CCDC178: variants seen among roughly 807,000 people sequenced by gnomAD.
The protein encoded by CCDC178 is coiled-coil domain containing 178, also known as coiled-coil domain-containing protein 178.
CCDC178 carries 126 observed loss-of-function variants against 117.4 expected under a neutral mutation model. The observed-to-expected ratio is 1.07, with a 90% CI of 0.93 to 1.24. The LOEUF is 1.24. CCDC178 is among the 50% of genes most tolerant of loss of function. CCDC178 has a pLI of 0.00. For missense variants in CCDC178, 1,030 were observed against 986.9 expected, an observed-to-expected ratio of 1.04 and a Z score of -0.59; for synonymous variants, 283 against 313.4, an observed-to-expected ratio of 0.90 and a Z score of 1.02.
chr18:33,293,669 A>C (rs2062067953), intron 11 of CCDC178, among the ~76,000 whole-genome samples: 1 of 152,148 alleles, frequency 6.6e-6, no homozygotes, highest in Non-Finnish European at 1.5e-5. Context: ...TATCTCAAAA[A>C]AATTATATAA....
chr18:33,329,420 G>A (rs571836853), intron 10 of CCDC178, among the ~76,000 whole-genome samples: 1 of 152,224 alleles, frequency 6.6e-6, no homozygotes, highest in South Asian at 2.1e-4. Flanking sequence ...AGTATTACCT[G>A]TGGGTTTTAC....
chr18:33,245,663 A>G (rs2059541403), intron 14 of CCDC178, among the ~76,000 whole-genome samples: 1 of 151,890 alleles, frequency 6.6e-6, no homozygotes, highest in African/African-American at 2.4e-5. Flanking sequence ...AAGAGCATCA[A>G]TAAGAAAGGC....
At chr18:32,964,030 A>G (rs1219731083) in intron 22 of CCDC178, among the ~76,000 whole-genome samples, 6 of 152,062 alleles carry the variant, frequency 3.9e-5, no homozygotes, top group Non-Finnish European at 7.4e-5. Flanking sequence ...ACCCATATCA[A>G]TCAAAATGGA....
intron 14 of CCDC178, among the ~76,000 whole-genome samples, chr18:33,263,168 A>G (rs915558902): frequency 6.6e-6 from 1 of 152,206 alleles, no homozygotes; most frequent in Non-Finnish European, 1.5e-5. Context: ...AAGTTAGCAC[A>G]GGTGTGTGAG....
At chr18:33,360,322 T>C (rs1016491884) in intron 6 of CCDC178, among the ~76,000 whole-genome samples, 1 of 151,088 alleles carries the variant, frequency 6.6e-6, no homozygotes, top group Non-Finnish European at 1.5e-5. Flanking sequence ...AGTAGCCCTC[T>C]GTACTATAGA....
intron 21 of CCDC178, among the ~76,000 whole-genome samples, chr18:32,990,600 T>C (rs2055367982): frequency 6.6e-6 from 1 of 152,114 alleles, no homozygotes. Flanking sequence ...TATTAAAAAC[T>C]TAAAAGTTCA....
At chr18:33,367,141 A>G (rs556490582) in intron 6 of CCDC178, among the ~76,000 whole-genome samples, 1 of 152,146 alleles carries the variant, frequency 6.6e-6, no homozygotes, top group South Asian at 2.1e-4. Flanking sequence ...GTAGGTGTAT[A>G]TATTTATGGG....
At chr18:32,987,109 A>G (rs1013244965) in intron 21 of CCDC178, among the ~76,000 whole-genome samples, 18 of 152,082 alleles carry the variant, frequency 1.2e-4, no homozygotes, top group African/African-American at 3.6e-4. Flanking sequence ...AGAAAAAAAT[A>G]TAACAATTAA....
intron 20 of CCDC178, among the ~76,000 whole-genome samples, chr18:33,192,468 T>G (rs567481015): frequency 1.3e-5 from 2 of 152,338 alleles, no homozygotes; most frequent in East Asian, 3.9e-4. Context: ...TGGACATTAA[T>G]AATTCCATTT....
At chr18:33,244,870 T>C (rs898588428) in intron 15 of CCDC178, among the ~76,000 whole-genome samples, 3 of 151,932 alleles carry the variant, frequency 2.0e-5, no homozygotes, top group East Asian at 3.9e-4. Context: ...AGAGGTACTT[T>C]CTATTCTCAC....
At chr18:33,119,627 C>G (rs187081022) in intron 20 of CCDC178, among the ~76,000 whole-genome samples, 12 of 152,102 alleles carry the variant, frequency 7.9e-5, no homozygotes, top group African/African-American at 2.9e-4. Flanking sequence ...GACAGTGTGG[C>G]GATTCCTCAA....
At chr18:33,391,749 GA>G (rs1898551213) in intron 4 of CCDC178, among the ~76,000 whole-genome samples, 1 of 151,890 alleles carries the variant, frequency 6.6e-6, no homozygotes, top group African/African-American at 2.4e-5. Flanking sequence ...ATTCAAAACA[GA>G]AATACATTCA....
chr18:33,175,565 A>C (rs2058655469), intron 20 of CCDC178, among the ~76,000 whole-genome samples: 1 of 152,062 alleles, frequency 6.6e-6, no homozygotes, highest in Non-Finnish European at 1.5e-5. Context: ...GCCTACTTTC[A>C]TCTGTTTTTG....
At chr18:33,341,914 T>G (rs1168661566) in intron 9 of CCDC178, among the ~76,000 whole-genome samples, 2 of 152,144 alleles carry the variant, frequency 1.3e-5, no homozygotes, top group Non-Finnish European at 2.9e-5. Context: ...CTTAAACAGT[T>G]TGGCATGGAT....
chr18:33,227,544 GTGTGTGTGTGTGTA>G (rs2059317941), intron 15 of CCDC178, among the ~76,000 whole-genome samples: 1 of 85,890 alleles, frequency 1.2e-5, no homozygotes, highest in Non-Finnish European at 2.5e-5. Flanking sequence ...GTGTGTGTGT[GTGTGTGTGTGTGTA>G]TATATATATA....
intron 9 of CCDC178, among the ~76,000 whole-genome samples, chr18:33,338,072 C>T (rs963210049): frequency 1.3e-5 from 2 of 151,760 alleles, no homozygotes; most frequent in African/African-American, 4.8e-5. Flanking sequence ...TCAAATAATC[C>T]CATCAAAAAA....
intron 20 of CCDC178, among the ~76,000 whole-genome samples, chr18:33,109,479 T>C (rs2057751877): frequency 6.6e-6 from 1 of 151,668 alleles, no homozygotes; most frequent in Admixed American, 6.6e-5. Flanking sequence ...TTAAAGTCTA[T>C]ATTAATCCCT....
intron 10 of CCDC178, among the ~76,000 whole-genome samples, chr18:33,327,496 G>C (rs2062601162): frequency 6.6e-6 from 1 of 152,062 alleles, no homozygotes; most frequent in South Asian, 2.1e-4. Flanking sequence ...GAAGAATATT[G>C]TAATTCTGTG....
chr18:33,281,359 A>C (rs2060023808), intron 12 of CCDC178, among the ~76,000 whole-genome samples: 1 of 152,060 alleles, frequency 6.6e-6, no homozygotes, highest in African/African-American at 2.4e-5. Context: ...AAAAATAAAT[A>C]ATTTAAATCG....
Sources: allele counts gnomAD v4.1 joint callset (sites outside exome capture counted in the v4.1 genomes callset), GRCh38; gene constraint gnomAD v4.1.1; transcripts MANE v1.5; gene names NCBI Gene and HGNC (gene_info 2026-07-23, HGNC 2026-07-21).